Variants in VCF1 observed in about 807,000 individuals in gnomAD.
VCF1 encodes VCP nuclear cofactor family member 1.
At chr17:73,213,849 AG>A in the VCF1 span, among the ~76,000 whole-genome samples, 1 of 152,176 alleles carries the variant, frequency 6.6e-6, no homozygotes, top group Non-Finnish European at 1.5e-5. Context: ...GCATCCCTGT[AG>A]TCCCAGCTTC....
the VCF1 span, among the ~76,000 whole-genome samples, chr17:73,211,108 G>A: frequency 6.6e-6 from 1 of 152,124 alleles, no homozygotes; most frequent in Admixed American, 6.5e-5. Context: ...CTTAGGCAAA[G>A]ACATTGGTTC....
At chr17:73,224,243 A>G in the VCF1 span, among the ~76,000 whole-genome samples, 1 of 124,570 alleles carries the variant, frequency 8.0e-6, no homozygotes, top group East Asian at 2.7e-4. Context: ...CCTGGGCCAT[A>G]TAGTGAGACG....
At chr17:73,208,623 A>C in the VCF1 span, 4 of 789,034 alleles carry the variant, frequency 5.1e-6, no homozygotes, top group Non-Finnish European at 6.4e-6. Context: ...TCCTTGTCCC[A>C]AAATTTCACA....
the VCF1 span, among the ~76,000 whole-genome samples, chr17:73,224,987 C>CAGCACAGCACAGCAT: frequency 1.3e-5 from 2 of 150,536 alleles, no homozygotes; most frequent in Non-Finnish European, 3.0e-5. Flanking sequence ...CAGCACAGCA[C>CAGCACAGCACAGCAT]AGCACAGGAC....
At chr17:73,229,153 G>C in the VCF1 span, 4 of 985,306 alleles carry the variant, frequency 4.1e-6, no homozygotes, top group Admixed American at 1.8e-4. Flanking sequence ...TAAATTACTT[G>C]ATCTCTCAAG....
the VCF1 span, among the ~76,000 whole-genome samples, chr17:73,221,330 T>C: frequency 6.6e-6 from 1 of 151,568 alleles, no homozygotes; most frequent in Non-Finnish European, 1.5e-5. Flanking sequence ...TCTAGTGTAA[T>C]TTGTAGATAA....
chr17:73,228,586 G>T, the VCF1 span, among the ~76,000 whole-genome samples: 1 of 152,002 alleles, frequency 6.6e-6, no homozygotes, highest in East Asian at 1.9e-4. Context: ...TCCTGCACTG[G>T]GCTATGTAAT....
chr17:73,223,391 T>C, the VCF1 span, among the ~76,000 whole-genome samples: 1 of 152,196 alleles, frequency 6.6e-6, no homozygotes, highest in Admixed American at 6.6e-5. Flanking sequence ...TATGCACACA[T>C]GAAGTTTCTC....
the VCF1 span, among the ~76,000 whole-genome samples, chr17:73,222,465 C>T: frequency 1.3e-5 from 2 of 151,956 alleles, no homozygotes; most frequent in Admixed American, 6.6e-5. Context: ...GAAAATTGTT[C>T]TTCTCTGTTC....
At chr17:73,215,008 G>A in the VCF1 span, among the ~76,000 whole-genome samples, 1 of 152,164 alleles carries the variant, frequency 6.6e-6, no homozygotes, top group Non-Finnish European at 1.5e-5. Context: ...CTATTTTCAT[G>A]ACACAATCCA....
At chr17:73,220,931 C>T in the VCF1 span, among the ~76,000 whole-genome samples, 1 of 126,472 alleles carries the variant, frequency 7.9e-6, no homozygotes, top group Non-Finnish European at 1.6e-5. Context: ...TGGAGTCTCG[C>T]TCTGTCGCCC....
the VCF1 span, chr17:73,229,128 A>G: frequency 2.0e-6 from 2 of 985,310 alleles, no homozygotes; most frequent in Non-Finnish European, 2.4e-6. Context: ...AGTCACATGA[A>G]ATATCCCTGC....
chr17:73,215,803 G>A, the VCF1 span, among the ~76,000 whole-genome samples: 88,156 of 152,100 alleles, frequency 0.58, 25,722 homozygotes, highest in Non-Finnish European at 0.62. Flanking sequence ...CACAGCTACT[G>A]TGGTGATGGG....
chr17:73,225,755 T>C, the VCF1 span, among the ~76,000 whole-genome samples: 1 of 151,544 alleles, frequency 6.6e-6, no homozygotes, highest in African/African-American at 2.4e-5. Flanking sequence ...TGGTAGCCTC[T>C]AATCTTGTTT....
chr17:73,222,557 C>A, the VCF1 span, among the ~76,000 whole-genome samples: 2 of 152,030 alleles, frequency 1.3e-5, no homozygotes, highest in African/African-American at 4.8e-5. Context: ...GCGGATGGAT[C>A]ACCTAAGGTC....
the VCF1 span, among the ~76,000 whole-genome samples, chr17:73,221,747 C>T: frequency 2.0e-5 from 3 of 151,904 alleles, no homozygotes; most frequent in Non-Finnish European, 4.4e-5. Flanking sequence ...TTAAAACTAG[C>T]CAGGTGGGCC....
the VCF1 span, among the ~76,000 whole-genome samples, chr17:73,213,245 G>A: frequency 6.0e-4 from 87 of 145,434 alleles, no homozygotes; most frequent in Non-Finnish European, 7.4e-4. Flanking sequence ...TGTCTCAAAA[G>A]AAAAAAAAAA....
At chr17:73,229,182 T>C in the VCF1 span, 2 of 985,358 alleles carry the variant, frequency 2.0e-6, no homozygotes, top group Non-Finnish European at 1.2e-6. Flanking sequence ...ATAATCTCTT[T>C]GGCCTGTTGG....
At chr17:73,224,990 C>CACAGCACAGGACAGG in the VCF1 span, among the ~76,000 whole-genome samples, 3 of 92,242 alleles carry the variant, frequency 3.3e-5, no homozygotes, top group Non-Finnish European at 5.1e-5. Flanking sequence ...CACAGCACAG[C>CACAGCACAGGACAGG]ACAGGACAGG....
Sources: gnomAD v4.1 joint callset for allele counts (sites outside exome capture counted in the v4.1 genomes callset) on GRCh38, gnomAD v4.1.1 for gene constraint, MANE v1.5 for transcripts, NCBI Gene and HGNC (gene_info 2026-07-23, HGNC 2026-07-21) for gene names.